Variants in CYRIB observed in about 807,000 individuals in gnomAD.
CYRIB encodes CYFIP related Rac1 interactor B.
A neutral mutation model predicts 44.2 loss-of-function variants in CYRIB; 8 were observed. That is an observed-to-expected ratio of 0.18 (90% CI 0.11 to 0.33). The LOEUF is 0.33. CYRIB is among the 10% of genes least tolerant of loss of function. The pLI is 1.00. For missense variants in CYRIB, 185 were observed against 382.8 expected (o/e 0.48, Z 4.31); for synonymous variants, 131 against 127.2 (o/e 1.03, Z -0.20).
chr8:129,978,083 A>AT (rs1293186296), intron 1 of CYRIB, among the ~76,000 whole-genome samples: 5 of 149,758 alleles, frequency 3.3e-5, no homozygotes, highest in South Asian at 2.1e-4. Flanking sequence ...ACCATGCCTA[A>AT]TTTTTTTTTT....
chr8:129,955,484 G>A (rs926407404), intron 2 of CYRIB, among the ~76,000 whole-genome samples: 58 of 152,006 alleles, frequency 3.8e-4, no homozygotes, highest in African/African-American at 1.3e-3. Flanking sequence ...CCTACACATC[G>A]AGGCTCCCAT....
At chr8:129,894,272 A>G (rs943642951) in intron 2 of CYRIB, among the ~76,000 whole-genome samples, 12 of 152,254 alleles carry the variant, frequency 7.9e-5, no homozygotes, top group Non-Finnish European at 1.8e-4. Context: ...TCTGTTCCAC[A>G]GGTACAAAGA....
chr8:129,961,125 C>G (rs1456174045), intron 2 of CYRIB, among the ~76,000 whole-genome samples: 1 of 152,144 alleles, frequency 6.6e-6, no homozygotes, highest in Non-Finnish European at 1.5e-5. Context: ...AATCGTGACT[C>G]TAAATAAGCC....
chr8:129,901,140 A>G (rs1191759571), intron 2 of CYRIB, among the ~76,000 whole-genome samples: 3 of 152,202 alleles, frequency 2.0e-5, no homozygotes, highest in Non-Finnish European at 4.4e-5. Context: ...TTTCTAGTAG[A>G]GATGGGGTTT....
chr8:129,996,683 A>G (rs1321034769), intron 1 of CYRIB, among the ~76,000 whole-genome samples: 1 of 152,122 alleles, frequency 6.6e-6, no homozygotes, highest in Non-Finnish European at 1.5e-5. Context: ...ACCAATTTCC[A>G]AACCAACTCT....
At chr8:129,995,865 G>C (rs1354240141) in intron 1 of CYRIB, among the ~76,000 whole-genome samples, 3 of 152,226 alleles carry the variant, frequency 2.0e-5, no homozygotes, top group Non-Finnish European at 4.4e-5. Context: ...AGGCTACCAG[G>C]TAGGCTAAAG....
chr8:129,869,114 G>C (rs2055629246), intron 4 of CYRIB, among the ~76,000 whole-genome samples: 1 of 150,892 alleles, frequency 6.6e-6, no homozygotes, highest in Non-Finnish European at 1.5e-5. Flanking sequence ...GGCTGGGCGC[G>C]GTGGTTCACG....
chr8:129,959,374 T>C (rs1416258879), intron 2 of CYRIB, among the ~76,000 whole-genome samples: 2 of 152,158 alleles, frequency 1.3e-5, no homozygotes, highest in Admixed American at 6.6e-5. Context: ...GAAATATTTA[T>C]TTATTTGACA....
intron 1 of CYRIB, among the ~76,000 whole-genome samples, chr8:129,923,081 A>G (rs1563981098): frequency 6.8e-6 from 1 of 147,718 alleles, no homozygotes; most frequent in African/African-American, 2.5e-5. Context: ...AAAAAAAAAA[A>G]AAGAATACAA....
At chr8:129,917,726 G>A (rs552558313) in intron 1 of CYRIB, among the ~76,000 whole-genome samples, 13 of 152,070 alleles carry the variant, frequency 8.5e-5, no homozygotes, top group Admixed American at 1.3e-4. Flanking sequence ...GCATGGTGGC[G>A]CGTGCCTGTA....
At chr8:129,991,971 A>AAC (rs2096648568) in intron 1 of CYRIB, among the ~76,000 whole-genome samples, 1 of 134,604 alleles carries the variant, frequency 7.4e-6, no homozygotes, top group African/African-American at 2.7e-5. Flanking sequence ...AAAAAAAAAA[A>AAC]ACAATAGGAA....
upstream of CYRIB, among the ~76,000 whole-genome samples, chr8:129,942,490 CCTAA>C (rs1207604029): frequency 2.0e-5 from 3 of 152,164 alleles, no homozygotes. Context: ...ATGGGAATTC[CCTAA>C]AAGAGGGAGC....
chr8:129,952,048 T>A (rs1414866991), intron 2 of CYRIB, among the ~76,000 whole-genome samples: 2 of 95,732 alleles, frequency 2.1e-5, no homozygotes, highest in Admixed American at 1.2e-4. Context: ...CCTTTTGTTT[T>A]TGTTTATTTT....
At chr8:129,854,945 T>C (rs1321185806) in intron 6 of CYRIB, among the ~76,000 whole-genome samples, 2 of 150,620 alleles carry the variant, frequency 1.3e-5, no homozygotes, top group East Asian at 2.0e-4. Flanking sequence ...CCAAACACTA[T>C]AAACAATGAC....
chr8:129,854,432 T>C, intron 6 of CYRIB, 89 bp from the exon 9 acceptor site: 2 of 873,224 alleles, frequency 2.3e-6, no homozygotes, highest in Non-Finnish European at 3.6e-6. Context: ...TTAATTAGTA[T>C]AAAACATTCC....
At chr8:129,994,171 GACAC>G (rs146607115) in intron 1 of CYRIB, among the ~76,000 whole-genome samples, 1 of 152,004 alleles carries the variant, frequency 6.6e-6, no homozygotes, top group Non-Finnish European at 1.5e-5. Flanking sequence ...ACCACGTGAA[GACAC>G]ACACACACAG....
chr8:129,915,499 G>C (rs914285969), intron 1 of CYRIB, among the ~76,000 whole-genome samples: 3 of 152,128 alleles, frequency 2.0e-5, no homozygotes, highest in Admixed American at 6.5e-5. Context: ...AAGATTCTAG[G>C]AAACGCAAAC....
intron 11 of CYRIB, among the ~76,000 whole-genome samples, chr8:129,844,782 T>A (rs949346372): frequency 3.9e-5 from 6 of 152,358 alleles, no homozygotes; most frequent in Admixed American, 2.0e-4. Flanking sequence ...ACTCGTGTAG[T>A]ACTTTTGGGG....
chr8:129,898,461 T>C (rs538808400), intron 2 of CYRIB, among the ~76,000 whole-genome samples: 1 of 152,194 alleles, frequency 6.6e-6, no homozygotes, highest in African/African-American at 2.4e-5. Flanking sequence ...GAAAAATGTA[T>C]GCTTATTAGG....
Sources: gnomAD v4.1 joint callset for allele counts (sites outside exome capture counted in the v4.1 genomes callset) on GRCh38, gnomAD v4.1.1 for gene constraint, MANE v1.5 for transcripts, NCBI Gene and HGNC (gene_info 2026-07-23, HGNC 2026-07-21) for gene names.